The following LRBA variants were observed in gnomAD, a reference collection of about 807,000 sequenced individuals.
LRBA encodes the protein LPS responsive beige-like anchor protein.
Under a neutral mutation model 330.0 loss-of-function variants are expected in LRBA, and 176 were observed. The observed-to-expected ratio is 0.53, with a 90% CI of 0.47 to 0.60. The LOEUF is 0.60. LRBA is among the 20% of genes least tolerant of loss of function. LRBA has a pLI of 0.00. For missense variants in LRBA, 3,259 were observed against 3,444.8 expected (o/e 0.95, Z 1.35); for synonymous variants, 1,230 against 1,193.0 (o/e 1.03, Z -0.64).
chr4:150,520,962 T>C (rs777440247), intron 40 of LRBA, among the ~76,000 whole-genome samples: 15 of 152,188 alleles, frequency 9.9e-5, no homozygotes, highest in Admixed American at 2.6e-4. Context: ...GAGACCTAAT[T>C]AGGTTATTTA....
At chr4:150,520,854 A>ATTG (rs1762852542) in intron 40 of LRBA, among the ~76,000 whole-genome samples, 1 of 152,220 alleles carries the variant, frequency 6.6e-6, no homozygotes, top group East Asian at 1.9e-4. Context: ...GTATAATAGT[A>ATTG]TACCTATTGT....
chr4:150,554,645 T>C (rs931812277), intron 40 of LRBA, among the ~76,000 whole-genome samples: 16 of 152,200 alleles, frequency 1.1e-4, no homozygotes, highest in African/African-American at 3.6e-4. Flanking sequence ...TTTTACAAGC[T>C]TCATCAATAT....
intron 37 of LRBA, among the ~76,000 whole-genome samples, chr4:150,601,725 T>C (rs1774136201): frequency 6.6e-6 from 1 of 151,898 alleles, no homozygotes; most frequent in African/African-American, 2.4e-5. Flanking sequence ...GGAGTCTCGC[T>C]CTGTCACCCA....
At position 150,914,238 on chromosome 4, in the gene LRBA, G is replaced by A. The variant is rs1440276839; in HGVS notation, c.1118C>T (p.Ala373Val). ...AVYLFSEALN[A>V]AQIFAIYQLG... ...CTGATAAATAGCAAATATCTGAGCT[G>A]CATTTAGAGCTTCACTGAAAAGGTA... The change falls in exon 9 of 57, where the codon GCA becomes GTA. Residue 373 changes from alanine (A) to valine (V), a missense_variant. By Grantham distance (64) the Ala-to-Val change is moderately conservative (BLOSUM62 0). Transcript: ENST00000651943. 6.2e-7 allele frequency: 1 copy of A among 1,610,418 alleles called. No individual in the cohort carries two copies. Among genetic ancestry groups the A allele is most frequent in the Non-Finnish European group, 8.5e-7 (1 of 1,178,084 alleles).
At chr4:150,882,231 C>T (rs1249333551) in intron 17 of LRBA, among the ~76,000 whole-genome samples, 1 of 152,098 alleles carries the variant, frequency 6.6e-6, no homozygotes, top group Non-Finnish European at 1.5e-5. Context: ...AGTTATCCTA[C>T]AAAAAATTTT....
chr4:150,778,989 T>C (rs1316218593), intron 34 of LRBA, among the ~76,000 whole-genome samples: 2 of 152,232 alleles, frequency 1.3e-5, no homozygotes. Flanking sequence ...TGTTCTCAAC[T>C]ATAATAAAAA....
At chr4:150,507,299 G>A (rs1761227318) in intron 40 of LRBA, among the ~76,000 whole-genome samples, 1 of 152,148 alleles carries the variant, frequency 6.6e-6, no homozygotes, top group Non-Finnish European at 1.5e-5. Flanking sequence ...AACAAAGCTG[G>A]AGGCATCACT....
chr4:150,565,577 A>G (rs1769021640), intron 40 of LRBA, among the ~76,000 whole-genome samples: 1 of 152,170 alleles, frequency 6.6e-6, no homozygotes, highest in Admixed American at 6.6e-5. Context: ...AATAGATTTT[A>G]CATATATAAT....
chr4:150,286,103 G>T, intron 53 of LRBA, 69 bp from the exon 54 acceptor site: 1 of 1,082,778 alleles, frequency 9.2e-7, no homozygotes, highest in Non-Finnish European at 1.3e-6. Context: ...TCAACAACTT[G>T]CTCCTAATTT....
chr4:150,930,213 G>A (rs1440091484), intron 2 of LRBA, among the ~76,000 whole-genome samples: 1 of 151,948 alleles, frequency 6.6e-6, no homozygotes, highest in Non-Finnish European at 1.5e-5. Flanking sequence ...TACTCAGGAG[G>A]TTGAGGTAGG....
At chr4:150,789,079 A>T (rs977479581) in intron 34 of LRBA, among the ~76,000 whole-genome samples, 26 of 151,676 alleles carry the variant, frequency 1.7e-4, no homozygotes, top group Non-Finnish European at 2.2e-4. Flanking sequence ...GTCTCAAAAA[A>T]ATATATATAT....
chr4:150,898,057 A>T (rs1730302602), intron 14 of LRBA, among the ~76,000 whole-genome samples: 1 of 152,094 alleles, frequency 6.6e-6, no homozygotes, highest in Non-Finnish European at 1.5e-5. Context: ...AGAAGTTTGT[A>T]CTTTGAATAG....
At chr4:150,533,432 C>G (rs1764260875) in intron 40 of LRBA, among the ~76,000 whole-genome samples, 1 of 152,048 alleles carries the variant, frequency 6.6e-6, no homozygotes, top group African/African-American at 2.4e-5. Context: ...CTTGGGCTCC[C>G]AAAGGCTGGG....
chr4:150,786,457 T>C (rs1320463973), intron 34 of LRBA, among the ~76,000 whole-genome samples: 1 of 152,084 alleles, frequency 6.6e-6, no homozygotes, highest in Non-Finnish European at 1.5e-5. Context: ...TTGTCCAGGC[T>C]GGTCTCAAAC....
intron 36 of LRBA, among the ~76,000 whole-genome samples, chr4:150,724,052 A>G (rs1276762613): frequency 6.6e-6 from 1 of 152,228 alleles, no homozygotes. Context: ...ATAGAATATC[A>G]GGAAAATTGC....
At chr4:150,415,014 C>T (rs111393751) in intron 47 of LRBA, among the ~76,000 whole-genome samples, 28 of 152,120 alleles carry the variant, frequency 1.8e-4, no homozygotes, top group African/African-American at 6.3e-4. Flanking sequence ...CAATATTACA[C>T]GAAGATTTCC....
rs772750766 is a variant in LRBA, at chr4:150,569,268, T to G, written c.6330+18780A>C. On this transcript the variant is annotated intron_variant, in intron 40 of 56. Transcript: ENST00000651943. ...CAGGTAGTCGCAGAATTGTGTTAGA[T>G]TAGTGACCTAAGTGTGTTTAAGGAA... Among the ~76,000 whole-genome samples the G allele has an allele frequency of 3.3e-5, 5 of 152,264 alleles. No individual in the cohort carries two copies. In the East Asian group the frequency reaches 9.6e-4, roughly 29 times the overall value.
chr4:150,622,891 G>A (rs914868968), intron 37 of LRBA, among the ~76,000 whole-genome samples: 24 of 152,104 alleles, frequency 1.6e-4, no homozygotes, highest in African/African-American at 5.3e-4. Context: ...TAGAGATGGG[G>A]TTTCACCGTG....
At chr4:150,830,412 A>G (rs1746997626) in intron 29 of LRBA, among the ~76,000 whole-genome samples, 1 of 152,144 alleles carries the variant, frequency 6.6e-6, no homozygotes, top group Non-Finnish European at 1.5e-5. Flanking sequence ...GAAACCAGGA[A>G]CTCAGTTGAG....
Sources: gnomAD v4.1 joint callset for allele counts (sites outside exome capture counted in the v4.1 genomes callset) on GRCh38, gnomAD v4.1.1 for gene constraint, MANE v1.5 for transcripts, NCBI Gene and HGNC (gene_info 2026-07-23, HGNC 2026-07-21) for gene names.